The following PHACTR3 variants were observed in gnomAD, a reference collection of about 807,000 sequenced individuals.
PHACTR3 encodes the protein protein phosphatase 1, regulatory subunit 123.
A neutral mutation model predicts 66.8 loss-of-function variants in PHACTR3; 16 were observed. The observed-to-expected ratio is 0.24, with a 90% CI of 0.16 to 0.36. The LOEUF (loss-of-function observed/expected upper bound fraction) is 0.36. Among genes scored for constraint, PHACTR3 ranks in the 10% least tolerant of loss-of-function variants. PHACTR3 has a pLI of 1.00. For synonymous variants in PHACTR3, 323 were observed against 292.1 expected (o/e 1.11, Z -1.08); for missense variants, 647 against 719.9 (o/e 0.90, Z 1.16).
intron 1 of PHACTR3, among the ~76,000 whole-genome samples, chr20:59,723,318 G>A (rs992572517): frequency 4.6e-5 from 7 of 151,878 alleles, no homozygotes; most frequent in African/African-American, 9.7e-5. Context: ...CCTGGCAACC[G>A]TGAATCTACT....
chr20:59,841,550 G>GTGCTGGTGGGGGGTGT lies in PHACTR3; in HGVS notation c.1587+18_1587+33dup. On this transcript the variant is annotated intron_variant, in intron 11 of 12. Transcript: ENST00000371015. Reference sequence around the variant, plus strand: ...CAGCAGATAAGGTACCTAACTGCCTGTGCTGGTGGGGGGTGTTGGATGATA... The same window carrying GTGCTGGTGGGGGGTGT: ...CAGCAGATAAGGTACCTAACTGCCTGTGCTGGTGGGGGGTGTTGCTGGTGGGGGGTGTTGGATGATA... The GTGCTGGTGGGGGGTGT allele has an allele frequency of 6.2e-7, 1 of 1,608,416 alleles. No homozygotes were observed. The highest frequency in any genetic ancestry group is 8.5e-7 in the Non-Finnish European group (1 of 1,177,526).
chr20:59,820,990 C>T lies in PHACTR3; in HGVS notation c.1328+14796C>T, dbSNP rs1057147972. 7.2e-5 allele frequency among the ~76,000 whole-genome samples: 11 copies of T among 152,076 alleles called. No homozygotes were observed. The highest frequency in any genetic ancestry group is 1.9e-4 in the East Asian group (1 of 5,182). ...CACACAGTCCTGCTTCACCCAGGAT[C>T]GGGGCTTAGCGTGTGTGAGTAGTAG... On this transcript the variant is annotated intron_variant, in intron 8 of 12. Transcript: ENST00000371015. The surrounding 1 kb of genome is among the most constrained non-coding windows in gnomAD (Gnocchi z 4.6).
At chr20:59,590,048 C>T (rs572248797) in intron 1 of PHACTR3, among the ~76,000 whole-genome samples, 15 of 152,214 alleles carry the variant, frequency 9.9e-5, no homozygotes, top group Non-Finnish European at 2.1e-4. Flanking sequence ...CCTGTGCTTC[C>T]ATAGTCATAT....
At chr20:59,623,001 A>AAAAAAAAAAAAAAACAAAAAAAC (rs1568940633) in intron 1 of PHACTR3, among the ~76,000 whole-genome samples, 1 of 144,802 alleles carries the variant, frequency 6.9e-6, no homozygotes, top group Non-Finnish European at 1.5e-5. Flanking sequence ...AAAAAAAAAA[A>AAAAAAAAAAAAAAACAAAAAAAC]CCCAAATCTT....
At chr20:59,818,933 C>A (rs1410194736) in intron 8 of PHACTR3, among the ~76,000 whole-genome samples, 1 of 152,200 alleles carries the variant, frequency 6.6e-6, no homozygotes, top group Non-Finnish European at 1.5e-5. Flanking sequence ...TCATTTTCAT[C>A]ATTTCCATAA....
intron 1 of PHACTR3, among the ~76,000 whole-genome samples, chr20:59,691,245 T>C (rs924621295): frequency 1.3e-5 from 2 of 152,198 alleles, no homozygotes; most frequent in Admixed American, 6.5e-5. Flanking sequence ...AAGCTTCCTC[T>C]GATTGTCAAC....
intron 1 of PHACTR3, among the ~76,000 whole-genome samples, chr20:59,610,027 G>A (rs2033801204): frequency 1.3e-5 from 2 of 152,170 alleles, no homozygotes; most frequent in Admixed American, 6.5e-5. Flanking sequence ...GCCTAGGTGG[G>A]CAGATTGCTT....
intron 8 of PHACTR3, among the ~76,000 whole-genome samples, chr20:59,817,211 T>C (rs955076887): frequency 6.6e-6 from 1 of 152,248 alleles, no homozygotes; most frequent in South Asian, 2.1e-4. Flanking sequence ...AGTGTATTTG[T>C]GAATAGTGTG....
chr20:59,674,390 C>T (rs989752075), intron 1 of PHACTR3, among the ~76,000 whole-genome samples: 4 of 144,308 alleles, frequency 2.8e-5, no homozygotes, highest in African/African-American at 1.1e-4. Context: ...TCCCCTTCTC[C>T]TGTTCCTCCT....
intron 2 of PHACTR3, among the ~76,000 whole-genome samples, chr20:59,746,435 C>G (rs1256409402): frequency 6.6e-6 from 1 of 152,228 alleles, no homozygotes; most frequent in Non-Finnish European, 1.5e-5. Context: ...GCCTGGCACA[C>G]AGTAGGTGCT....
intron 1 of PHACTR3, among the ~76,000 whole-genome samples, chr20:59,629,618 G>T (rs959888186): frequency 1.3e-5 from 2 of 152,186 alleles, no homozygotes; most frequent in Non-Finnish European, 2.9e-5. Flanking sequence ...CCCTTCCAGG[G>T]TATGAGCTCC....
rs117983470 is a variant in PHACTR3 at position 59,622,549 on chromosome 20, G to A, written c.118+17417G>A. On this transcript the variant is annotated intron_variant, in intron 1 of 12. Coordinates refer to ENST00000371015, the MANE Select transcript of PHACTR3 (RefSeq NM_080672.5). The stretch of plus-strand genomic sequence containing the variant: ...TGACACAGCAGCCATCTCCTGGTTT[G>A]CGATGGACACTATCTCAGGAGGAGG... Among the ~76,000 whole-genome samples, 15 of 152,316 alleles carry A rather than the reference G, an allele frequency of 9.8e-5. No homozygotes were observed. In the East Asian group the frequency reaches 2.9e-3, roughly 29 times the overall value.
intron 1 of PHACTR3, among the ~76,000 whole-genome samples, chr20:59,701,558 C>T (rs1280725148): frequency 6.6e-6 from 1 of 152,230 alleles, no homozygotes; most frequent in Non-Finnish European, 1.5e-5. Context: ...ACACCAGCAA[C>T]TCTTTTTAAA....
At chr20:59,595,828 T>C (rs994309137) in intron 1 of PHACTR3, among the ~76,000 whole-genome samples, 1 of 152,228 alleles carries the variant, frequency 6.6e-6, no homozygotes, top group Non-Finnish European at 1.5e-5. Flanking sequence ...TCCTTTATCG[T>C]TATGTAATGC....
intron 4 of PHACTR3, among the ~76,000 whole-genome samples, chr20:59,762,501 T>C: frequency 6.6e-6 from 1 of 152,204 alleles, no homozygotes; most frequent in South Asian, 2.1e-4. Flanking sequence ...GTGGCCACCA[T>C]ATGGACAAGG....
intron 1 of PHACTR3, among the ~76,000 whole-genome samples, chr20:59,657,044 G>A (rs546544963): frequency 6.6e-6 from 1 of 152,088 alleles, no homozygotes; most frequent in South Asian, 2.1e-4. Flanking sequence ...CAAGGAAGCT[G>A]AGAAAATAAA....
intron 1 of PHACTR3, among the ~76,000 whole-genome samples, chr20:59,588,810 CA>C (rs1315952954): frequency 6.6e-6 from 1 of 152,210 alleles, no homozygotes; most frequent in African/African-American, 2.4e-5. Flanking sequence ...ATGAGAGACT[CA>C]AATGATCAAA....
At chr20:59,842,238 G>C (rs781072633) in intron 11 of PHACTR3, among the ~76,000 whole-genome samples, 1 of 152,214 alleles carries the variant, frequency 6.6e-6, no homozygotes, top group African/African-American at 2.4e-5. Context: ...AGTGTCCATA[G>C]AGTTTTGTCA....
intron 11 of PHACTR3, chr20:59,843,450 T>C (rs2145526841): frequency 6.6e-6 from 1 of 152,072 alleles, no homozygotes; most frequent in South Asian, 2.1e-4. Context: ...AAATGTATTA[T>C]AAGGTTATAC....
Sources: allele counts gnomAD v4.1 joint callset (sites outside exome capture counted in the v4.1 genomes callset), GRCh38; gene constraint gnomAD v4.1.1; non-coding constraint Gnocchi (gnomAD v3.1); transcripts MANE v1.5; gene names NCBI Gene and HGNC (gene_info 2026-07-23, HGNC 2026-07-21).